Variants in WDR36 observed in about 807,000 individuals in gnomAD.
WDR36 encodes the protein WD repeat domain 36, also known as WD repeat-containing protein 36.
A neutral mutation model predicts 112.7 loss-of-function variants in WDR36; 63 were observed. The observed-to-expected ratio is 0.56, with a 90% CI of 0.46 to 0.69. The LOEUF is 0.69. Ranked by LOEUF, WDR36 falls within the 30% of genes least tolerant of loss-of-function variation. The probability of loss-of-function intolerance (pLI) is 0.00; values close to 1 mark genes in which losing one functional copy is unlikely to be tolerated. For missense variants in WDR36, 1,226 were observed against 1,070.3 expected, an observed-to-expected ratio of 1.15 and a Z score of -2.03; for synonymous variants, 410 against 362.2, an observed-to-expected ratio of 1.13 and a Z score of -1.50.
chr5:111,101,744 A>T (rs1225395769), intron 5 of WDR36, among the ~76,000 whole-genome samples: 3 of 151,864 alleles, frequency 2.0e-5, no homozygotes, highest in Non-Finnish European at 4.4e-5. Flanking sequence ...TCAGTGTTTC[A>T]TTACAATTTA....
chr5:111,119,268 C>CT, intron 17 of WDR36, 148 bp downstream of exon 17: 1 of 718,524 alleles, frequency 1.4e-6, no homozygotes, highest in Non-Finnish European at 2.5e-6. Context: ...CACTGTAAGT[C>CT]TGAGTGATTC....
intron 3 of WDR36, among the ~76,000 whole-genome samples, 173 bp downstream of exon 3, chr5:111,097,352 C>T (rs560295344): frequency 1.3e-5 from 2 of 152,254 alleles, no homozygotes; most frequent in South Asian, 4.1e-4. Flanking sequence ...AAAAGGCTTA[C>T]TTAAAACTGG....
Position 111,130,218 on chromosome 5 carries a change from A to C in WDR36, c.*3335A>C, listed in dbSNP as rs559386652. On this transcript the variant is annotated 3_prime_UTR_variant, in exon 23 of 23. Coordinates refer to ENST00000513710, the MANE Select transcript of WDR36 (RefSeq NM_139281.3). ...TTCCAGGACCCCTGTGGATACCAAA[A>C]TCCAAGCAATGCCCTGCAGATCATG... 1 of 204,804 alleles carries C rather than the reference A, an allele frequency of 4.9e-6. No individual in the cohort carries two copies. Among genetic ancestry groups the C allele is most frequent in the African/African-American group, 2.3e-5 (1 of 43,752 alleles). 12.7% of individuals were successfully genotyped at this position (204,804 alleles called of 1,614,324 possible).
chr5:111,128,333 AAGAT>A lies in WDR36; in HGVS notation c.*1454_*1457del, dbSNP rs1190268901. 2.2e-5 allele frequency: 4 copies of A among 184,718 alleles called. No individual in the cohort carries two copies. The highest frequency in any genetic ancestry group is 1.3e-4 in the Admixed American group (2 of 16,000). The allele number at this position is 184,718 out of a possible 1,614,324, so 11.4% of individuals were successfully genotyped here. On this transcript the variant is annotated 3_prime_UTR_variant, in exon 23 of 23. Transcript: ENST00000513710. ...TATTCATGTTTTTATTTAATGATGTAAGATAGAATTAATAAACTACTAAGGAAAT... is the reference window on the plus strand; with the variant it reads ...TATTCATGTTTTTATTTAATGATGTAAGAATTAATAAACTACTAAGGAAAT...
chr5:111,123,653 G>A, intron 19 of WDR36, 152 bp from the exon 20 acceptor site: 1 of 1,064,528 alleles, frequency 9.4e-7, no homozygotes. Flanking sequence ...TGTGGTATTG[G>A]TCAGAAGAGA....
At chr5:111,093,715 G>T (rs183574189) in intron 1 of WDR36, among the ~76,000 whole-genome samples, 1 of 152,222 alleles carries the variant, frequency 6.6e-6, no homozygotes, top group East Asian at 1.9e-4. Context: ...TTGAAATCTT[G>T]TCTTTGGTAC....
chr5:111,110,501 T>TA (rs1038767399), intron 13 of WDR36, among the ~76,000 whole-genome samples, 198 bp downstream of exon 13: 138 of 151,616 alleles, frequency 9.1e-4, no homozygotes, highest in African/African-American at 3.1e-3. Context: ...CTTAAAGAGT[T>TA]ACGTGGATAT....
intron 19 of WDR36, among the ~76,000 whole-genome samples, chr5:111,123,040 C>T (rs948501837): frequency 6.6e-6 from 1 of 151,720 alleles, no homozygotes; most frequent in Non-Finnish European, 1.5e-5. Context: ...ACCCGGGAGG[C>T]GGAGGTTGCA....
At chr5:111,105,954 A>G (rs2112573907) in intron 10 of WDR36, 103 bp from the exon 11 acceptor site, 1 of 868,334 alleles carries the variant, frequency 1.2e-6, no homozygotes, top group East Asian at 2.5e-5. Flanking sequence ...AAATGGGAAT[A>G]TCTTGTACTT....
rs780316446 is a variant in WDR36, at chr5:111,095,852, G to GT, written c.190+914dup. 1.2e-3 allele frequency among the ~76,000 whole-genome samples: 183 copies of GT among 151,582 alleles called. 5 individuals are homozygous for GT. In the East Asian group the frequency reaches 0.026, roughly 22 times the overall value. On this transcript the variant is annotated intron_variant, in intron 2 of 22. Coordinates refer to ENST00000513710, the MANE Select transcript of WDR36 (RefSeq NM_139281.3). ...TTTGGTATTTCTTTCCAATGGAAGG[G>GT]TTTTTTTTTAAACTATCTAATAGAA...
At chr5:111,105,269 T>A (rs756846314) in intron 9 of WDR36, 26 bp from the exon 10 acceptor site, 1 of 1,603,992 alleles carries the variant, frequency 6.2e-7, no homozygotes, top group Non-Finnish European at 8.5e-7. Flanking sequence ...GAAGCTTGAT[T>A]AGGGATTTTC....
rs1452421221 is a variant in WDR36 at position 111,104,179 on chromosome 5, G to C, written c.733G>C (p.Gly245Arg). 6.2e-7 allele frequency: 1 copy of C among 1,610,236 alleles called. No individual in the cohort carries two copies. Among genetic ancestry groups the C allele is most frequent in the Non-Finnish European group, 8.5e-7 (1 of 1,177,384 alleles). Reference sequence around the variant, plus strand: ...AATGTATTTTATTTTAATAACAGATGGTCATCCAGTAATGGCAGCTGGAAG... The same window carrying C: ...AATGTATTTTATTTTAATAACAGATCGTCATCCAGTAATGGCAGCTGGAAG... ...PITSISFRTD[G>R]HPVMAAGSPC... Residue 245 changes from glycine to arginine, a missense_variant and splice_region_variant, in exon 8 of 23, where the codon GGT (glycine) becomes CGT (arginine). Transcript: ENST00000513710.
intron 19 of WDR36, among the ~76,000 whole-genome samples, chr5:111,122,155 C>G (rs1753580508): frequency 1.3e-5 from 2 of 152,166 alleles, no homozygotes; most frequent in Admixed American, 1.3e-4. Context: ...TGTGGAATCT[C>G]TTCATCATGC....
At chr5:111,116,227 C>A (rs544591975) in intron 16 of WDR36, among the ~76,000 whole-genome samples, 1 of 151,842 alleles carries the variant, frequency 6.6e-6, no homozygotes, top group South Asian at 2.1e-4. Context: ...GGGATTACAG[C>A]CATGAGCCAC....
In WDR36 at chr5:111,128,146, A is replaced by G. The variant is rs1753712213; in HGVS notation, c.*1263A>G. 1 of 191,766 alleles carries G rather than the reference A, an allele frequency of 5.2e-6. No individual in the cohort carries two copies. Among genetic ancestry groups the G allele is most frequent in the Non-Finnish European group, 1.1e-5 (1 of 91,570 alleles). The allele number at this position is 191,766 out of a possible 1,614,324, so 11.9% of individuals were successfully genotyped here. ...TTTAAAGCATAGCGCTCTAAAAACT[A>G]TTCTTAGTTTATACCCTCAAAAGTT... On this transcript the variant is annotated 3_prime_UTR_variant, in exon 23 of 23. Transcript: ENST00000513710.
At chr5:111,094,865 G>A (rs1453226684) in intron 1 of WDR36, 55 bp from the exon 2 acceptor site, 1 of 1,404,042 alleles carries the variant, frequency 7.1e-7, no homozygotes, top group African/African-American at 1.4e-5. Flanking sequence ...CAGGTGTTAG[G>A]TTATTATGAT....
Position 111,092,465 on chromosome 5 carries a change from G to A in WDR36, c.9G>A (p.Arg3=). 6.2e-7 allele frequency: 1 copy of A among 1,614,232 alleles called. No homozygotes were observed. The highest frequency in any genetic ancestry group is 8.5e-7 in the Non-Finnish European group (1 of 1,180,060). Reference sequence around the variant, plus strand: ...CTGGGATCGCGGCGGCAATGGAACGGGCCTCAGAAAGGCGCACGGCCAGCG... The same window carrying A: ...CTGGGATCGCGGCGGCAATGGAACGAGCCTCAGAAAGGCGCACGGCCAGCG... The part of the protein sequence containing the change: ME[R]ASERRTASAL... Residue 3 remains arginine (R), a synonymous_variant, in exon 1 of 23, where the codon CGG becomes CGA. Transcript: ENST00000513710.
intron 15 of WDR36, 41 bp from the exon 16 acceptor site, chr5:111,113,033 A>ATT (rs201874795): frequency 3.1e-6 from 1 of 321,332 alleles, no homozygotes; most frequent in African/African-American, 3.4e-5. Context: ...TTATATATAA[A>ATT]TAATATATAT....
rs1369813989 is a variant in WDR36, at chr5:111,128,035, G to C, written c.*1152G>C. On this transcript the variant is annotated 3_prime_UTR_variant, in exon 23 of 23. Transcript: ENST00000513710. Reference sequence around the variant, plus strand: ...ACCATTGCAAACCCAGGTAGCCCTGGAGTTTTCTTTTTTTCTCATCATCAT... The same window carrying C: ...ACCATTGCAAACCCAGGTAGCCCTGCAGTTTTCTTTTTTTCTCATCATCAT... 5.0e-6 allele frequency: 1 copy of C among 200,212 alleles called. No homozygotes were observed. The allele number at this position is 200,212 out of a possible 1,614,324, so 12.4% of individuals were successfully genotyped here.
Sources: allele counts gnomAD v4.1 joint callset (sites outside exome capture counted in the v4.1 genomes callset), GRCh38; gene constraint gnomAD v4.1.1; transcripts MANE v1.5; gene names NCBI Gene and HGNC (gene_info 2026-07-23, HGNC 2026-07-21).